Variants in C1GALT1 observed in about 807,000 individuals in gnomAD.
C1GALT1 encodes the protein glycoprotein-N-acetylgalactosamine 3-beta-galactosyltransferase 1.
Under a neutral mutation model 31.0 loss-of-function variants are expected in C1GALT1, and 11 were observed. That is an observed-to-expected ratio of 0.36 (90% CI 0.22 to 0.59). C1GALT1 has a LOEUF of 0.59. Among genes scored for constraint, C1GALT1 ranks in the 20% least tolerant of loss-of-function variants. The probability of loss-of-function intolerance (pLI) is 0.79; values close to 1 mark genes in which losing one functional copy is unlikely to be tolerated. For missense variants in C1GALT1, 424 were observed against 425.2 expected, an observed-to-expected ratio of 1.00 and a Z score of 0.03; for synonymous variants, 175 against 143.6, an observed-to-expected ratio of 1.22 and a Z score of -1.56.
chr7:7,184,647 G>A (rs12538776), intron 1 of C1GALT1, among the ~76,000 whole-genome samples: 23,567 of 152,158 alleles, frequency 0.15, 2,114 homozygotes, highest in East Asian at 0.36. Flanking sequence ...GTAATTTAGA[G>A]TCTTTGTGTG....
intron 1 of C1GALT1, among the ~76,000 whole-genome samples, chr7:7,186,039 G>C (rs1780798322): frequency 7.8e-6 from 1 of 127,638 alleles, no homozygotes; most frequent in African/African-American, 3.4e-5. Context: ...TCCTGGTTCA[G>C]GGGGCCACAT....
chr7:7,220,827 T>G (rs1304706856), intron 1 of C1GALT1, among the ~76,000 whole-genome samples: 1 of 152,214 alleles, frequency 6.6e-6, no homozygotes, highest in Non-Finnish European at 1.5e-5. Flanking sequence ...ATCTTTATTC[T>G]TCCCTCACAC....
At chr7:7,196,655 G>T (rs565242026) in intron 1 of C1GALT1, among the ~76,000 whole-genome samples, 1 of 152,156 alleles carries the variant, frequency 6.6e-6, no homozygotes, top group Non-Finnish European at 1.5e-5. Context: ...TTCCACAATG[G>T]TTGAACTAGT....
rs200190680 is a variant in C1GALT1 at position 7,230,619 on chromosome 7, T to TC, written c.-17-3681dup. Among the ~76,000 whole-genome samples, 1,082 of 125,618 alleles carry TC rather than the reference T, an allele frequency of 8.6e-3. 15 individuals are homozygous for TC. Among genetic ancestry groups the TC allele is most frequent in the African/African-American group, 0.034 (1,003 of 29,714 alleles). The allele number at this position is 125,618 out of a possible 152,430, so 82.4% of individuals were successfully genotyped here. A position where few individuals can be genotyped will look rare whatever the true frequency, so the allele number is the denominator to read the frequency against. Reference sequence around the variant, plus strand: ...TCTATTTGTCTCATCTATTCTATATTCCCTTTTTTTTTTTTTTTTTAACAT... The same window carrying TC: ...TCTATTTGTCTCATCTATTCTATATTCCCCTTTTTTTTTTTTTTTTTAACAT... On this transcript the variant is annotated intron_variant, in intron 1 of 3. Coordinates refer to ENST00000436587, the MANE Select transcript of C1GALT1 (RefSeq NM_020156.5).
At chr7:7,168,648 A>G (rs1395445642) in intron 2 of C1GALT1, among the ~76,000 whole-genome samples, 1 of 152,202 alleles carries the variant, frequency 6.6e-6, no homozygotes, top group African/African-American at 2.4e-5. Context: ...ATCTATCAAG[A>G]TTACTCAGTT....
intron 1 of C1GALT1, among the ~76,000 whole-genome samples, chr7:7,211,989 T>A (rs1782028143): frequency 6.6e-6 from 1 of 152,240 alleles, no homozygotes; most frequent in Non-Finnish European, 1.5e-5. Flanking sequence ...AAAAGCTAAT[T>A]GTGAATGAAC....
chr7:7,241,642 C>G (rs1157094951), intron 3 of C1GALT1, among the ~76,000 whole-genome samples: 1 of 151,874 alleles, frequency 6.6e-6, no homozygotes, highest in African/African-American at 2.4e-5. Context: ...TCTACTTGGG[C>G]TTTTAAAGAC....
At chr7:7,165,617 A>G (rs930136121) in intron 2 of C1GALT1, among the ~76,000 whole-genome samples, 2 of 152,122 alleles carry the variant, frequency 1.3e-5, no homozygotes, top group African/African-American at 4.8e-5. Context: ...CCAGAAAGGC[A>G]TGTACTGCTA....
Position 7,243,672 on chromosome 7 carries a change from A to G in C1GALT1, c.1037A>G (p.Glu346Gly). 2 of 1,605,462 alleles carry G rather than the reference A, an allele frequency of 1.2e-6. No homozygotes were observed. The highest frequency in any genetic ancestry group is 1.7e-6 in the Non-Finnish European group (2 of 1,177,772). The change falls in exon 4 of 4, where the codon GAA (glutamate) becomes GGA (glycine). Residue 346 changes from glutamate (E) to glycine (G), a missense_variant. Coordinates refer to ENST00000436587, the MANE Select transcript of C1GALT1 (RefSeq NM_020156.5). ...ACCTTACCTGAACGTATACTAAAGGAAATTAGTCAAGCAAACAAAAATGAA... is the reference window on the plus strand; with the variant it reads ...ACCTTACCTGAACGTATACTAAAGGGAATTAGTCAAGCAAACAAAAATGAA... ...QPTLPERILK[E>G]ISQANKNEDT...
rs1783860992 is a variant in C1GALT1, at chr7:7,246,698, T to G, written c.*2971T>G. On this transcript the variant is annotated 3_prime_UTR_variant, in exon 4 of 4. Coordinates refer to ENST00000436587, the MANE Select transcript of C1GALT1 (RefSeq NM_020156.5). ...CAGGGGCAGGGGCAGGGGCTAGCAG[T>G]TGTGTTTAAGCAAACTCTGCAGGTG... The G allele has an allele frequency of 6.6e-6, 1 of 152,606 alleles. No individual in the cohort carries two copies. The highest frequency in any genetic ancestry group is 1.9e-4 in the East Asian group (1 of 5,212). 9.5% of individuals were successfully genotyped at this position (152,606 alleles called of 1,614,324 possible).
rs6977400 is a variant in C1GALT1 at position 7,206,632 on chromosome 7, C to A, written c.-18+23812C>A. ...CGGTGGTTGCAGTTAGCCACGATCG[C>A]GCCATTGCACTCCAGCCTGGGCAAC... On this transcript the variant is annotated intron_variant, in intron 1 of 3. Coordinates refer to ENST00000436587, the MANE Select transcript of C1GALT1 (RefSeq NM_020156.5). 4.3e-4 allele frequency among the ~76,000 whole-genome samples: 65 copies of A among 150,068 alleles called. 1 individual carries two copies. In the South Asian group the frequency reaches 5.9e-3, roughly 14 times the overall value.
Position 7,231,084 on chromosome 7 carries a change from A to G in C1GALT1, c.-17-3219A>G, listed in dbSNP as rs558956673. 3.3e-5 allele frequency among the ~76,000 whole-genome samples: 5 copies of G among 152,210 alleles called. No individual in the cohort carries two copies. The East Asian group carries it at 9.6e-4, about 29-fold the overall frequency. ...AATTCACTTAGGTTTTGTTTTTCTG[A>G]ACATGTTTTTAAGGCTCATTCTTGA... On this transcript the variant is annotated intron_variant, in intron 1 of 3. Transcript: ENST00000436587.
chr7:7,222,207 C>T (rs1284058150), intron 1 of C1GALT1, among the ~76,000 whole-genome samples: 1 of 152,106 alleles, frequency 6.6e-6, no homozygotes, highest in Non-Finnish European at 1.5e-5. Context: ...GGAGTGAAAT[C>T]AGACTGAAGT....
intron 1 of C1GALT1, among the ~76,000 whole-genome samples, chr7:7,205,787 C>G (rs1781713900): frequency 6.6e-6 from 1 of 152,096 alleles, no homozygotes; most frequent in Admixed American, 6.6e-5. Flanking sequence ...CACTTTCACC[C>G]TGTTTGTGTC....
At chr7:7,235,055 C>T (rs1201910700) in intron 2 of C1GALT1, 1 of 152,408 alleles carries the variant, frequency 6.6e-6, no homozygotes, top group East Asian at 1.9e-4. Context: ...TACCTCTAAC[C>T]AGATTTTCTC....
intron 2 of C1GALT1, among the ~76,000 whole-genome samples, chr7:7,172,530 A>G (rs1039546305): frequency 7.9e-5 from 12 of 152,258 alleles, no homozygotes; most frequent in African/African-American, 2.9e-4. Flanking sequence ...TAATTTTTCA[A>G]ATATTATTTC....
chr7:7,166,592 G>A (rs914266287), intron 2 of C1GALT1, among the ~76,000 whole-genome samples: 1 of 152,158 alleles, frequency 6.6e-6, no homozygotes, highest in African/African-American at 2.4e-5. Flanking sequence ...GTATACATAT[G>A]TCACAACATC....
chr7:7,195,781 AC>A (rs1471936353), intron 1 of C1GALT1, among the ~76,000 whole-genome samples: 1 of 152,160 alleles, frequency 6.6e-6, no homozygotes, highest in Non-Finnish European at 1.5e-5. Context: ...AAAGTCCCCC[AC>A]TATTACTGTG....
chr7:7,222,322 A>C (rs1782545829), intron 1 of C1GALT1, among the ~76,000 whole-genome samples: 1 of 152,198 alleles, frequency 6.6e-6, no homozygotes, highest in South Asian at 2.1e-4. Flanking sequence ...GGAATGATTT[A>C]TGTAGTCCAA....
Sources: allele counts gnomAD v4.1 joint callset (sites outside exome capture counted in the v4.1 genomes callset), GRCh38; gene constraint gnomAD v4.1.1; transcripts MANE v1.5; gene names NCBI Gene and HGNC (gene_info 2026-07-23, HGNC 2026-07-21).